TLE3: variants seen among roughly 807,000 people sequenced by gnomAD.
TLE3 encodes the protein TLE family member 3, transcriptional corepressor.
Under a neutral mutation model 93.0 loss-of-function variants are expected in TLE3, and 14 were observed. That is an observed-to-expected ratio of 0.15 (90% confidence interval 0.10 to 0.24). The LOEUF is 0.24. Ranked by LOEUF, TLE3 falls within the 10% of genes least tolerant of loss-of-function variation. TLE3 has a pLI of 1.00. For missense variants in TLE3, 693 were observed against 1,046.6 expected (o/e 0.66, Z 4.66); for synonymous variants, 451 against 425.0 (o/e 1.06, Z -0.75).
rs372080265 is a variant in TLE3 at position 70,059,864 on chromosome 15, T to C, written c.715-404A>G. Among the ~76,000 whole-genome samples, 12 of 152,320 alleles carry C rather than the reference T, an allele frequency of 7.9e-5. No homozygotes were observed. The East Asian group carries it at 1.5e-3, about 20-fold the overall frequency. On this transcript the variant is annotated intron_variant, in intron 9 of 19. Transcript: ENST00000451782. ...TCACCTGGTCATTCCCACCCATCTG[T>C]GTGGGATAGTAACTTGCCTCCTCTC...
At chr15:70,083,756 A>G (rs2057907386) in intron 4 of TLE3, among the ~76,000 whole-genome samples, 1 of 151,944 alleles carries the variant, frequency 6.6e-6, no homozygotes, top group Admixed American at 6.5e-5. Flanking sequence ...AGCTCATTAA[A>G]TTTTGGGGGT....
rs375824879 is a variant in TLE3, at chr15:70,060,591, G to A, written c.653C>T (p.Ala218Val). 24 of 1,613,842 alleles carry A rather than the reference G, an allele frequency of 1.5e-5. No homozygotes were observed. Among genetic ancestry groups the A allele is most frequent in the South Asian group, 7.7e-5 (7 of 91,088 alleles). Residue 218 changes from alanine to valine, a missense_variant, in exon 9 of 20, where the codon GCG becomes GTG. By Grantham distance (64) the Ala-to-Val change is moderately conservative (BLOSUM62 0). This residue lies in a region of TLE3 where 405 missense variants were observed against 468.9 expected (regional missense o/e 0.86). Coordinates refer to ENST00000451782, the MANE Select transcript of TLE3 (RefSeq NM_001105192.3). ...CTTCTTGGCTTCCATGCTGTAGTCCGCAGAGCCCCGGTGCTTCTCACTGGC... is the reference window on the plus strand; with the variant it reads ...CTTCTTGGCTTCCATGCTGTAGTCCACAGAGCCCCGGTGCTTCTCACTGGC... ...LRASEKHRGS[A>V]DYSMEAKKRK...
intron 17 of TLE3, 138 bp downstream of exon 17, chr15:70,053,089 C>CAG (rs2055693201): frequency 4.4e-6 from 5 of 1,131,794 alleles, no homozygotes. Context: ...GAAGCCTTCC[C>CAG]AGATGGCTCA....
Position 70,097,449 on chromosome 15 carries a change from C to A in TLE3, c.-651G>T. 1 of 417,628 alleles carries A rather than the reference C, an allele frequency of 2.4e-6. No individual in the cohort carries two copies. Among genetic ancestry groups the A allele is most frequent in the Non-Finnish European group, 4.2e-6 (1 of 238,440 alleles). The allele number at this position is 417,628 out of a possible 1,614,324, so 25.9% of individuals were successfully genotyped here. On this transcript the variant is annotated 5_prime_UTR_variant, in exon 1 of 20. Coordinates refer to ENST00000451782, the MANE Select transcript of TLE3 (RefSeq NM_001105192.3). ...GAGCCTGCTGTTCCGTCTGCTACTG[C>A]CGCTGCCGCCGCCGCCGCCGCCGCT...
intron 4 of TLE3, among the ~76,000 whole-genome samples, chr15:70,083,477 T>C (rs2057886110): frequency 6.6e-6 from 1 of 151,344 alleles, no homozygotes; most frequent in Non-Finnish European, 1.5e-5. Context: ...AGATTATACC[T>C]TCCCCCAACA....
At position 70,096,915 on chromosome 15, in the gene TLE3, C is replaced by T. The variant is rs1257923076; in HGVS notation, c.-117G>A. 1.6e-5 allele frequency: 18 copies of T among 1,102,242 alleles called. No homozygotes were observed. In the East Asian group the frequency reaches 2.9e-4, roughly 18 times the overall value. 68.3% of individuals were successfully genotyped at this position (1,102,242 alleles called of 1,614,324 possible). ...GGGCGGCCGGGAAACCGAGAGCTCG[C>T]CCCCGGCCCCCCCAGCTCGTTCTCG... On this transcript the variant is annotated 5_prime_UTR_variant, in exon 1 of 20. Transcript: ENST00000451782.
At chr15:70,063,084 AG>A (rs1469326946) in intron 8 of TLE3, among the ~76,000 whole-genome samples, 1 of 152,180 alleles carries the variant, frequency 6.6e-6, no homozygotes, top group Non-Finnish European at 1.5e-5. Flanking sequence ...CCTGCTAGCC[AG>A]GTAATCTGGA....
Position 70,051,337 on chromosome 15 carries a change from C to T in TLE3, c.2202+54G>A, listed in dbSNP as rs114342007. ...GCTATCCTCACTCCCATCACCATCA[C>T]CAAGTTTCAACTCTGGGTAGAACCC... On this transcript the variant is annotated intron_variant, in intron 19 of 19. Transcript: ENST00000451782. 9.5e-4 allele frequency: 1,458 copies of T among 1,533,306 alleles called. 11 individuals carry two copies. In the African/African-American group the frequency reaches 0.018, roughly 19 times the overall value. The allele number at this position is 1,533,306 out of a possible 1,614,324, so 95.0% of individuals were successfully genotyped here.
chr15:70,074,723 A>G lies in TLE3; in HGVS notation c.298-116T>C, dbSNP rs573476644. Reference sequence around the variant, plus strand: ...GGCCCAGAGCAGACAGAGGAGTCCCACTGAACAGGCACAGGGCACAAGTAG... The same window carrying G: ...GGCCCAGAGCAGACAGAGGAGTCCCGCTGAACAGGCACAGGGCACAAGTAG... On this transcript the variant is annotated intron_variant, in intron 5 of 19. Transcript: ENST00000451782. 6 of 754,006 alleles carry G rather than the reference A, an allele frequency of 8.0e-6. No homozygotes were observed. The African/African-American group carries it at 1.1e-4, about 13-fold the overall frequency. The allele number at this position is 754,006 out of a possible 1,614,324, so 46.7% of individuals were successfully genotyped here. A position where few individuals can be genotyped will look rare whatever the true frequency, so the allele number is the denominator to read the frequency against.
intron 4 of TLE3, among the ~76,000 whole-genome samples, chr15:70,085,892 G>C (rs2058017820): frequency 6.6e-6 from 1 of 152,234 alleles, no homozygotes; most frequent in Admixed American, 6.5e-5. Flanking sequence ...CAGGACTTCT[G>C]TTGTTAGGCA....
chr15:70,094,666 A>G, intron 3 of TLE3, 90 bp from the exon 4 acceptor site: 3 of 974,522 alleles, frequency 3.1e-6, no homozygotes, highest in Admixed American at 2.8e-5. Flanking sequence ...TTTTGGCCAA[A>G]TCATACTTTT....
At chr15:70,056,185 G>T in intron 14 of TLE3, 113 bp downstream of exon 14, 1 of 1,182,472 alleles carries the variant, frequency 8.5e-7, no homozygotes, top group Non-Finnish European at 1.3e-6. Flanking sequence ...CCAAAGGGAG[G>T]TGCACCAGGG....
chr15:70,087,392 G>A (rs937695442), intron 4 of TLE3, among the ~76,000 whole-genome samples: 2 of 152,192 alleles, frequency 1.3e-5, no homozygotes, highest in Admixed American at 1.3e-4. Flanking sequence ...TAGCTGCTAA[G>A]ATGAAAATGT....
At chr15:70,084,519 C>A (rs572691330) in intron 4 of TLE3, among the ~76,000 whole-genome samples, 2 of 152,166 alleles carry the variant, frequency 1.3e-5, no homozygotes, top group Non-Finnish European at 2.9e-5. Context: ...GGAACTGATG[C>A]CTGTAGTATG....
In TLE3 at chr15:70,055,029, A is replaced by G. The variant is rs1191641964; in HGVS notation, c.1578+20T>C. ...CTCCTACACCAGCTGGAGGCGGCGCAGCAGCCCTGGGATTCTCACCAGGCA... is the reference window on the plus strand; with the variant it reads ...CTCCTACACCAGCTGGAGGCGGCGCGGCAGCCCTGGGATTCTCACCAGGCA... On this transcript the variant is annotated intron_variant, in intron 15 of 19. Transcript: ENST00000451782. 2 of 1,586,714 alleles carry G rather than the reference A, an allele frequency of 1.3e-6. No homozygotes were observed. The highest frequency in any genetic ancestry group is 2.7e-5 in the African/African-American group (2 of 74,288).
At chr15:70,064,310 C>A in intron 8 of TLE3, 144 bp downstream of exon 8, 2 of 949,956 alleles carry the variant, frequency 2.1e-6, no homozygotes, top group Non-Finnish European at 3.2e-6. Flanking sequence ...TCCCTAGTTA[C>A]AACCCACAGA....
At chr15:70,072,841 A>C (rs1029111546) in intron 6 of TLE3, among the ~76,000 whole-genome samples, 2 of 152,208 alleles carry the variant, frequency 1.3e-5, no homozygotes, top group African/African-American at 4.8e-5. Context: ...AAATTTCAAC[A>C]GTGTCAAGGT....
At position 70,055,188 on chromosome 15, in the gene TLE3, A is replaced by T. The variant is rs535644010; in HGVS notation, c.1439T>A (p.Leu480His). The T allele has an allele frequency of 3.1e-6, 5 of 1,613,954 alleles. No homozygotes were observed. The highest frequency in any genetic ancestry group is 1.1e-5 in the South Asian group (1 of 91,062). Residue 480 changes from leucine (L) to histidine (H), a missense_variant, in exon 15 of 20, where the codon CTC becomes CAC. Coordinates refer to ENST00000451782, the MANE Select transcript of TLE3 (RefSeq NM_001105192.3). ...GGCACACACCACCTCCCCGTGGCTGAGTGTGTTGATCTGCCGGGCGTGCCT... is the reference window on the plus strand; with the variant it reads ...GGCACACACCACCTCCCCGTGGCTGTGTGTGTTGATCTGCCGGGCGTGCCT... ...IPRHARQINT[L>H]SHGEVVCAVT... is the part of the protein sequence containing the mutation.
chr15:70,068,419 C>T (rs947723560), intron 6 of TLE3, among the ~76,000 whole-genome samples: 6 of 152,172 alleles, frequency 3.9e-5, no homozygotes, highest in Non-Finnish European at 7.3e-5. Context: ...ATCTGGATAC[C>T]TGGTTTTAAA....
Sources: gnomAD v4.1 joint callset for allele counts (sites outside exome capture counted in the v4.1 genomes callset) on GRCh38, gnomAD v4.1.1 for gene constraint, gnomAD v4.1.1 regional missense constraint, MANE v1.5 for transcripts, NCBI Gene and HGNC (gene_info 2026-07-23, HGNC 2026-07-21) for gene names.